The following SPAG17 variants were observed in gnomAD, a reference collection of about 807,000 sequenced individuals.
SPAG17 encodes the protein sperm-associated antigen 17.
SPAG17 carries 169 observed loss-of-function variants against 273.6 expected under a neutral mutation model. The observed-to-expected ratio is 0.62, with a 90% CI of 0.55 to 0.70. The LOEUF is 0.70. SPAG17 is among the 30% of genes least tolerant of loss of function. The pLI is 0.00. For synonymous variants in SPAG17, 825 were observed against 873.2 expected, an observed-to-expected ratio of 0.94 and a Z score of 0.97; for missense variants, 2,557 against 2,627.8, an observed-to-expected ratio of 0.97 and a Z score of 0.59.
At chr1:118,090,318 T>C (rs1655281824) in intron 10 of SPAG17, among the ~76,000 whole-genome samples, 1 of 152,150 alleles carries the variant, frequency 6.6e-6, no homozygotes. Flanking sequence ...GAAATTTGAA[T>C]TTGCTAACTT....
chr1:118,125,774 G>T (rs1318960406), intron 3 of SPAG17, among the ~76,000 whole-genome samples: 1 of 152,080 alleles, frequency 6.6e-6, no homozygotes, highest in Admixed American at 6.5e-5. Flanking sequence ...CCATTCATCT[G>T]TTGACAGACA....
At chr1:117,991,347 T>C in intron 37 of SPAG17, 68 bp downstream of exon 37, 2 of 930,914 alleles carry the variant, frequency 2.1e-6, no homozygotes, top group Non-Finnish European at 3.2e-6. Context: ...TTTCTTACGA[T>C]ATTTTGTCCT....
intron 17 of SPAG17, among the ~76,000 whole-genome samples, chr1:118,068,438 A>T (rs1653206360): frequency 6.6e-6 from 1 of 152,100 alleles, no homozygotes; most frequent in Non-Finnish European, 1.5e-5. Flanking sequence ...TAAACCCAGA[A>T]AACCATTGCG....
At chr1:118,098,886 C>A (rs1024973076) in intron 6 of SPAG17, among the ~76,000 whole-genome samples, 1 of 152,094 alleles carries the variant, frequency 6.6e-6, no homozygotes, top group Non-Finnish European at 1.5e-5. Context: ...TGGGATGTGG[C>A]TGCATAAGAT....
Position 118,074,705 on chromosome 1 carries a change from T to C in SPAG17, c.2210-105A>G, listed in dbSNP as rs1244345588. 7 of 1,043,270 alleles carry C rather than the reference T, an allele frequency of 6.7e-6. No individual in the cohort carries two copies. In the African/African-American group the frequency reaches 9.5e-5, roughly 14 times the overall value. 64.6% of individuals were successfully genotyped at this position (1,043,270 alleles called of 1,614,324 possible). On this transcript the variant is annotated intron_variant, in intron 15 of 48. Coordinates refer to ENST00000336338, the MANE Select transcript of SPAG17 (RefSeq NM_206996.4). Reference sequence around the variant, plus strand: ...GCCCATATGATCTATGTTTCTGTGCTGAAAAGGCAATGCCTGAAAGGCATG... The same window carrying C: ...GCCCATATGATCTATGTTTCTGTGCCGAAAAGGCAATGCCTGAAAGGCATG...
intron 26 of SPAG17, among the ~76,000 whole-genome samples, chr1:118,028,035 C>T (rs1003830470): frequency 1.3e-5 from 2 of 152,082 alleles, no homozygotes; most frequent in Non-Finnish European, 2.9e-5. Context: ...CCTGAAGCCT[C>T]GATTTCCTTA....
At position 117,975,747 on chromosome 1, in the gene SPAG17, G is replaced by A. The variant is rs144467429; in HGVS notation, c.6005-2186C>T. ...GGAACTCAGTGATCAGTGTTTTTAT[G>A]TATTTATTCCCTTTGATCACTATTC... On this transcript the variant is annotated intron_variant, in intron 43 of 48. Coordinates refer to ENST00000336338, the MANE Select transcript of SPAG17 (RefSeq NM_206996.4). 1.1e-3 allele frequency among the ~76,000 whole-genome samples: 169 copies of A among 152,240 alleles called. 2 individuals carry two copies. The highest frequency in any genetic ancestry group is 3.9e-3 in the African/African-American group (161 of 41,548).
At chr1:118,044,753 G>A (rs1379231674) in intron 20 of SPAG17, among the ~76,000 whole-genome samples, 1 of 152,062 alleles carries the variant, frequency 6.6e-6, no homozygotes, top group African/African-American at 2.4e-5. Context: ...AGATCTGGTT[G>A]TTTAAAAGTG....
rs751885199 is a variant in SPAG17, at chr1:117,970,055, C to G, written c.6387+1G>C. The G allele has an allele frequency of 1.2e-6, 2 of 1,613,422 alleles. No individual in the cohort carries two copies. The highest frequency in any genetic ancestry group is 1.3e-5 in the African/African-American group (1 of 74,898). On this transcript the variant is annotated splice_donor_variant, in intron 46 of 48. Transcript: ENST00000336338. LOFTEE classifies it high-confidence loss of function. ...CACAACAGATGACATATAGGACTTA[C>G]AGGTCCAGGTTTGTAAGTCACTTTC...
chr1:118,161,448 C>T (rs1659905210), intron 1 of SPAG17, among the ~76,000 whole-genome samples: 1 of 152,164 alleles, frequency 6.6e-6, no homozygotes, highest in Non-Finnish European at 1.5e-5. Flanking sequence ...GTGGAGGTGT[C>T]TGAAGTAGTT....
intron 18 of SPAG17, among the ~76,000 whole-genome samples, chr1:118,058,525 A>G (rs890117087): frequency 6.6e-6 from 1 of 152,200 alleles, no homozygotes; most frequent in African/African-American, 2.4e-5. Context: ...TATTTAAAAG[A>G]GATGTACATA....
intron 46 of SPAG17, among the ~76,000 whole-genome samples, chr1:117,967,149 TTAATC>T (rs1164706907): frequency 1.3e-5 from 2 of 151,932 alleles, no homozygotes; most frequent in African/African-American, 2.4e-5. Flanking sequence ...AAAGATAAAT[TTAATC>T]TAATATAAAT....
In SPAG17 at chr1:117,996,503, A is replaced by G. The variant is rs544775483; in HGVS notation, c.4923-3T>C. 3.7e-6 allele frequency: 6 copies of G among 1,608,846 alleles called. No homozygotes were observed. Among genetic ancestry groups the G allele is most frequent in the Admixed American group, 3.4e-5 (2 of 58,526 alleles). ...CATCAGCATACATAACAAAAAACCT[A>G]TTTGAAGAAATAAAAATATAATCAC... On this transcript the variant is annotated splice_polypyrimidine_tract_variant and splice_region_variant and intron_variant, in intron 33 of 48. Transcript: ENST00000336338.
At chr1:118,001,178 G>A (rs772151502) in intron 32 of SPAG17, among the ~76,000 whole-genome samples, 1 of 152,172 alleles carries the variant, frequency 6.6e-6, no homozygotes, top group South Asian at 2.1e-4. Context: ...AAGCCGACCT[G>A]AACATGGCGG....
chr1:117,955,131 A>G (rs1651979360), intron 48 of SPAG17: 2 of 481,526 alleles, frequency 4.2e-6, no homozygotes, highest in Non-Finnish European at 7.3e-6. Context: ...ATAGTTGGTA[A>G]GGGGCAGAGT....
rs150821682 is a variant in SPAG17 at position 118,101,751 on chromosome 1, T to C, written c.623A>G (p.Asn208Ser). The C allele has an allele frequency of 1.1e-3, 1,700 of 1,613,040 alleles. 2 individuals are homozygous for C. Among genetic ancestry groups the C allele is most frequent in the Non-Finnish European group, 1.3e-3 (1,550 of 1,179,764 alleles). ...AGCACCTTACTGACCAATGTAACGATTGGTGTGGTCGTCTTCTCCTCTCCG... is the reference window on the plus strand; with the variant it reads ...AGCACCTTACTGACCAATGTAACGACTGGTGTGGTCGTCTTCTCCTCTCCG... ...LKRRGEDDHT[N>S]RYIDDEPDDG... Residue 208 changes from asparagine to serine, a missense_variant, in exon 5 of 49, where the codon AAT becomes AGT. Asn to Ser is a conservative substitution (Grantham distance 46). Transcript: ENST00000336338.
chr1:117,973,631 A>T, intron 43 of SPAG17, 70 bp from the exon 44 acceptor site: 1 of 1,480,748 alleles, frequency 6.8e-7, no homozygotes, highest in South Asian at 1.4e-5. Context: ...TAATATCAGA[A>T]TGTATGACAA....
intron 3 of SPAG17, among the ~76,000 whole-genome samples, chr1:118,131,733 G>T (rs1285392984): frequency 1.3e-5 from 2 of 152,072 alleles, no homozygotes; most frequent in Admixed American, 6.5e-5. Context: ...TTTCTGGTTG[G>T]CCTGGATCAA....
Position 118,025,317 on chromosome 1 carries a change from G to A in SPAG17, c.3830C>T (p.Pro1277Leu). Reference protein sequence around the residue: ...KHYEFYKTVMPPAEQEASRVI... With the variant: ...KHYEFYKTVMLPAEQEASRVI... ...CCTTGAAGCCTCCTGCTCTGCGGGT[G>A]GCATCACCGTTTTATAGAACTCATA... The change falls in exon 27 of 49, where the codon CCA (proline) becomes CTA (leucine). Residue 1277 changes from proline (P) to leucine (L), a missense_variant. Physicochemically the swap from Pro to Leu is moderately conservative, Grantham distance 98. Transcript: ENST00000336338. 1 of 1,613,630 alleles carries A rather than the reference G, an allele frequency of 6.2e-7. No homozygotes were observed. Among genetic ancestry groups the A allele is most frequent in the Admixed American group, 1.7e-5 (1 of 59,948 alleles).
Sources: gnomAD v4.1 joint callset for allele counts (sites outside exome capture counted in the v4.1 genomes callset) on GRCh38, gnomAD v4.1.1 for gene constraint, MANE v1.5 for transcripts, NCBI Gene and HGNC (gene_info 2026-07-23, HGNC 2026-07-21) for gene names.